FAM222B: variants seen among roughly 807,000 people sequenced by gnomAD.
The protein encoded by FAM222B is family with sequence similarity 222 member B.
FAM222B carries 12 observed loss-of-function variants against 38.0 expected under a neutral mutation model. The ratio of observed to expected loss-of-function variants is 0.32; its 90% confidence interval spans 0.20 to 0.51. FAM222B has a LOEUF of 0.51. Among genes scored for constraint, FAM222B ranks in the 20% least tolerant of loss-of-function variants. The probability of loss-of-function intolerance (pLI) is 0.97; values close to 1 mark genes in which losing one functional copy is unlikely to be tolerated. For synonymous variants in FAM222B, 329 were observed against 317.2 expected, an observed-to-expected ratio of 1.04 and a Z score of -0.40; for missense variants, 716 against 754.2, an observed-to-expected ratio of 0.95 and a Z score of 0.59.
intron 1 of FAM222B, among the ~76,000 whole-genome samples, chr17:28,811,672 C>G (rs760598723): frequency 6.6e-6 from 1 of 152,190 alleles, no homozygotes; most frequent in Non-Finnish European, 1.5e-5. Context: ...CTACACAAAG[C>G]CGGTGACAAT....
At chr17:28,770,207 A>G (rs917589815) in intron 1 of FAM222B, among the ~76,000 whole-genome samples, 3 of 152,190 alleles carry the variant, frequency 2.0e-5, no homozygotes, top group African/African-American at 2.4e-5. Flanking sequence ...GTTCATTATT[A>G]TATCTAGAAA....
chr17:28,789,460 TG>T (rs2036571549), intron 1 of FAM222B, among the ~76,000 whole-genome samples: 1 of 152,198 alleles, frequency 6.6e-6, no homozygotes, highest in South Asian at 2.1e-4. Flanking sequence ...CCCAAATTCC[TG>T]GGGTTACAGG....
At position 28,790,915 on chromosome 17, in the gene FAM222B, T is replaced by TTTA. The variant is rs752443903; in HGVS notation, c.-40-24209_-40-24208insTAA. Among the ~76,000 whole-genome samples the TTTA allele has an allele frequency of 4.6e-4, 56 of 121,086 alleles. 4 individuals are homozygous for TTTA. The highest frequency in any genetic ancestry group is 8.4e-4 in the African/African-American group (26 of 30,864). The allele number at this position is 121,086 out of a possible 152,430, so 79.4% of individuals were successfully genotyped here. ...TTTTTTTTTTTTTTTTTTTTTTTTT[T>TTTA]AGAGACAGAATCTTGCTCTGTTGCC... On this transcript the variant is annotated intron_variant, in intron 1 of 2. Coordinates refer to ENST00000581407, the MANE Select transcript of FAM222B (RefSeq NM_001077498.3).
At chr17:28,773,797 C>CAA (rs879413377) in intron 1 of FAM222B, among the ~76,000 whole-genome samples, 9 of 128,800 alleles carry the variant, frequency 7.0e-5, no homozygotes, top group Non-Finnish European at 1.0e-4. Flanking sequence ...GCCTCTGTCT[C>CAA]AAAAAAAAAA....
intron 1 of FAM222B, among the ~76,000 whole-genome samples, chr17:28,823,169 C>CA (rs892981940): frequency 2.6e-5 from 4 of 151,300 alleles, no homozygotes; most frequent in Admixed American, 1.3e-4. Flanking sequence ...CAAACAAAAA[C>CA]AAAAAAAATG....
At position 28,805,535 on chromosome 17, in the gene FAM222B, C is replaced by CA. The variant is rs201584529; in HGVS notation, c.-41+37146dup. 2.3e-3 allele frequency among the ~76,000 whole-genome samples: 343 copies of CA among 150,740 alleles called. 6 individuals carry two copies. In the East Asian group the frequency reaches 0.034, roughly 15 times the overall value. ...GGGTGACAGAGCAAGCCTCCCATCTCAAAAAAAATAAAAGAGGCTGAGATG... is the reference window on the plus strand; with the variant it reads ...GGGTGACAGAGCAAGCCTCCCATCTCAAAAAAAAATAAAAGAGGCTGAGATG... On this transcript the variant is annotated intron_variant, in intron 1 of 2. Coordinates refer to ENST00000581407, the MANE Select transcript of FAM222B (RefSeq NM_001077498.3).
chr17:28,801,047 C>T (rs1438238089), intron 1 of FAM222B, among the ~76,000 whole-genome samples: 2 of 151,700 alleles, frequency 1.3e-5, no homozygotes, highest in African/African-American at 4.8e-5. Context: ...AACCCAGCTA[C>T]TCAGGAGGCT....
At position 28,842,728 on chromosome 17, in the gene FAM222B, C is replaced by A. The variant is rs2039090169; in HGVS notation, c.-87G>T. ...CTCATGGCTGCTCCTTTGCCGCCCGCCGCCCGCCGCCACCACTTCTCCACT... is the reference window on the plus strand; with the variant it reads ...CTCATGGCTGCTCCTTTGCCGCCCGACGCCCGCCGCCACCACTTCTCCACT... On this transcript the variant is annotated 5_prime_UTR_variant, in exon 1 of 3. Transcript: ENST00000581407. The A allele has an allele frequency of 6.5e-6, 1 of 154,674 alleles. No individual in the cohort carries two copies. Among genetic ancestry groups the A allele is most frequent in the Admixed American group, 6.5e-5 (1 of 15,320 alleles). The allele number at this position is 154,674 out of a possible 1,614,324, so 9.6% of individuals were successfully genotyped here.
Position 28,791,258 on chromosome 17 carries a change from G to A in FAM222B, c.-40-24551C>T, listed in dbSNP as rs1485258953. ...CAAGGTTGAAGTCTAGAAAGGGTGG[G>A]GTTGGAGATCAAAAAGAGATGAGAG... On this transcript the variant is annotated intron_variant, in intron 1 of 2. Coordinates refer to ENST00000581407, the MANE Select transcript of FAM222B (RefSeq NM_001077498.3). 3.3e-5 allele frequency among the ~76,000 whole-genome samples: 5 copies of A among 151,798 alleles called. No individual in the cohort carries two copies. In the East Asian group the frequency reaches 9.7e-4, roughly 29 times the overall value.
chr17:28,830,546 C>T (rs2038630988), intron 1 of FAM222B, among the ~76,000 whole-genome samples: 1 of 152,134 alleles, frequency 6.6e-6, no homozygotes. Context: ...ATCTACTTGA[C>T]AGTCTTCTGC....
chr17:28,791,161 C>G (rs573188458), intron 1 of FAM222B, among the ~76,000 whole-genome samples: 1 of 151,864 alleles, frequency 6.6e-6, no homozygotes, highest in South Asian at 2.1e-4. Context: ...CTGCCCACCT[C>G]GGCCTCCCAA....
chr17:28,771,748 T>C (rs1258747617), intron 1 of FAM222B, among the ~76,000 whole-genome samples: 1 of 151,594 alleles, frequency 6.6e-6, no homozygotes, highest in Non-Finnish European at 1.5e-5. Context: ...TTGGCATGTA[T>C]ATTATTTCTA....
At position 28,852,589 on chromosome 17, in the gene FAM222B, T is replaced by G. The variant is rs536277922; in HGVS notation, c.-41+2361A>C. 7.2e-5 allele frequency among the ~76,000 whole-genome samples: 11 copies of G among 151,734 alleles called. No individual in the cohort carries two copies. In the South Asian group the frequency reaches 2.3e-3, roughly 32 times the overall value. On this transcript the variant is annotated intron_variant, in intron 1 of 2. Coordinates refer to the FAM222B transcript ENST00000577513. ...CTGGGAGGTGGAGGTTGCAGTGAGA[T>G]TCAACCATTGCACTCCAGCCTAGGG...
At chr17:28,811,525 CG>C (rs1253794179) in intron 1 of FAM222B, among the ~76,000 whole-genome samples, 1 of 151,984 alleles carries the variant, frequency 6.6e-6, no homozygotes, top group Non-Finnish European at 1.5e-5. Flanking sequence ...TGGTTTTTGA[CG>C]ATAGAAACTA....
intron 1 of FAM222B, among the ~76,000 whole-genome samples, chr17:28,811,199 G>C (rs1350192704): frequency 6.6e-6 from 1 of 152,154 alleles, no homozygotes; most frequent in African/African-American, 2.4e-5. Flanking sequence ...CCAGCACTTT[G>C]GGAGGCCGAG....
In FAM222B at chr17:28,758,606, T is replaced by A. The variant is rs578011567; in HGVS notation, c.1353A>T (p.Gln451His). 26 of 1,610,846 alleles carry A rather than the reference T, an allele frequency of 1.6e-5. No homozygotes were observed. Among genetic ancestry groups the A allele is most frequent in the Middle Eastern group, 3.3e-4 (2 of 6,084 alleles). Reference protein sequence around the residue: ...PLAYPNGHYFQPLWNNILPTP... With the variant: ...PLAYPNGHYFHPLWNNILPTP... ...TGGGCAGAATGTTGTTCCACAGGGG[T>A]TGGAAGTAGTGACCATTGGGGTAGG... The change falls in exon 3 of 3, where the codon CAA (glutamine) becomes CAT (histidine). Residue 451 changes from glutamine (Q) to histidine (H), a missense_variant. Transcript: ENST00000581407.
chr17:28,793,735 T>C (rs2036806577), intron 1 of FAM222B, among the ~76,000 whole-genome samples: 1 of 150,802 alleles, frequency 6.6e-6, no homozygotes. Flanking sequence ...TCTGCCATAC[T>C]CAACCAATTT....
At chr17:28,779,499 C>A (rs920854281) in intron 1 of FAM222B, among the ~76,000 whole-genome samples, 3 of 152,102 alleles carry the variant, frequency 2.0e-5, no homozygotes, top group Non-Finnish European at 4.4e-5. Context: ...AGCCTGTAAT[C>A]CCAGCACTTT....
chr17:28,803,449 G>A (rs1388742876), intron 1 of FAM222B, among the ~76,000 whole-genome samples: 1 of 151,914 alleles, frequency 6.6e-6, no homozygotes, highest in Non-Finnish European at 1.5e-5. Flanking sequence ...GGGAGTACAG[G>A]CACACATCAC....
Sources: allele counts gnomAD v4.1 joint callset (sites outside exome capture counted in the v4.1 genomes callset), GRCh38; gene constraint gnomAD v4.1.1; transcripts MANE v1.5; gene names NCBI Gene and HGNC (gene_info 2026-07-23, HGNC 2026-07-21).